Variants in CTNNA3 observed in about 807,000 individuals in gnomAD.
CTNNA3 encodes the protein catenin alpha 3.
CTNNA3 carries 76 observed loss-of-function variants against 95.7 expected under a neutral mutation model. The ratio of observed to expected loss-of-function variants is 0.79; its 90% CI spans 0.66 to 0.96. CTNNA3 has a LOEUF of 0.96. Among genes scored for constraint, CTNNA3 ranks in the 40% least tolerant of loss-of-function variants. The pLI, the probability that CTNNA3 is intolerant of heterozygous loss-of-function variation, is 0.00. For synonymous variants in CTNNA3, 431 were observed against 374.4 expected (o/e 1.15, Z -1.74); for missense variants, 1,191 against 1,089.8 (o/e 1.09, Z -1.31).
chr10:67,528,506 C>T (rs1840217004), intron 4 of CTNNA3, among the ~76,000 whole-genome samples: 1 of 152,152 alleles, frequency 6.6e-6, no homozygotes, highest in African/African-American at 2.4e-5. Flanking sequence ...TTTCAGCATA[C>T]ATCCTCTTCT....
intron 9 of CTNNA3, among the ~76,000 whole-genome samples, chr10:66,701,357 G>T (rs749590770): frequency 3.3e-5 from 5 of 152,082 alleles, no homozygotes; most frequent in Non-Finnish European, 7.4e-5. Context: ...TTGCATATAA[G>T]TTTCAGAAAC....
At chr10:67,617,103 A>T (rs954298340) in intron 2 of CTNNA3, among the ~76,000 whole-genome samples, 3 of 152,198 alleles carry the variant, frequency 2.0e-5, no homozygotes, top group African/African-American at 7.2e-5. Flanking sequence ...ACTAAATTTA[A>T]TAGTTGTTTT....
At chr10:66,023,119 A>G (rs1321085619) in intron 15 of CTNNA3, among the ~76,000 whole-genome samples, 2 of 152,242 alleles carry the variant, frequency 1.3e-5, no homozygotes, top group Non-Finnish European at 2.9e-5. Flanking sequence ...AGTACTTAGA[A>G]CAAAACATAT....
At chr10:66,837,773 T>C (rs1361576380) in intron 7 of CTNNA3, 1 of 152,080 alleles carries the variant, frequency 6.6e-6, no homozygotes, top group Non-Finnish European at 1.5e-5. Flanking sequence ...AACTTAGCTT[T>C]TTTGGTGGTC....
At chr10:66,476,949 C>A (rs1451060868) in intron 11 of CTNNA3, among the ~76,000 whole-genome samples, 2 of 152,068 alleles carry the variant, frequency 1.3e-5, no homozygotes, top group African/African-American at 4.8e-5. Flanking sequence ...CACTGACTAT[C>A]AAACATTCAA....
chr10:67,033,135 G>A (rs114193941), intron 7 of CTNNA3, among the ~76,000 whole-genome samples: 181 of 152,248 alleles, frequency 1.2e-3, no homozygotes, highest in African/African-American at 3.8e-3. Flanking sequence ...GAAGGAAACC[G>A]ACTGATTTTA....
chr10:66,597,322 G>T (rs973535901), intron 10 of CTNNA3, among the ~76,000 whole-genome samples: 3 of 150,774 alleles, frequency 2.0e-5, no homozygotes, highest in African/African-American at 7.3e-5. Context: ...AAGCCCAAAG[G>T]ATTCATAAAA....
intron 7 of CTNNA3, among the ~76,000 whole-genome samples, chr10:67,114,869 G>T (rs1400999119): frequency 6.6e-6 from 1 of 151,846 alleles, no homozygotes; most frequent in Non-Finnish European, 1.5e-5. Context: ...TCTTGGCTTG[G>T]GTCTGAAGCA....
intron 5 of CTNNA3, among the ~76,000 whole-genome samples, chr10:67,237,153 T>TATATATATAC (rs1865519730): frequency 2.7e-5 from 2 of 75,130 alleles, no homozygotes; most frequent in Non-Finnish European, 5.1e-5. Context: ...TATATATATA[T>TATATATATAC]ATATATATAT....
chr10:66,868,214 G>A (rs12770169), intron 7 of CTNNA3, among the ~76,000 whole-genome samples: 21,583 of 147,596 alleles, frequency 0.15, 1,991 homozygotes, highest in African/African-American at 0.26. Context: ...AAACATAGCC[G>A]GGCATGGGGG....
intron 7 of CTNNA3, among the ~76,000 whole-genome samples, chr10:67,127,080 T>G (rs771001001): frequency 8.5e-5 from 13 of 152,224 alleles, no homozygotes; most frequent in Non-Finnish European, 1.8e-4. Flanking sequence ...TATGTATTTC[T>G]TTATTTCCTC....
intron 5 of CTNNA3, among the ~76,000 whole-genome samples, chr10:67,317,260 A>T (rs765214330): frequency 7.3e-5 from 11 of 151,532 alleles, no homozygotes; most frequent in Non-Finnish European, 1.2e-4. Flanking sequence ...TGTGCACAAC[A>T]TGCAGGTTTG....
chr10:67,743,169 T>A lies in CTNNA3; in HGVS notation c.-2+20265A>T, dbSNP rs868743016. Among the ~76,000 whole-genome samples, 38 of 151,408 alleles carry A rather than the reference T, an allele frequency of 2.5e-4. 3 individuals are homozygous for A. The highest frequency in any genetic ancestry group is 3.5e-3 in the Middle Eastern group (1 of 286). On this transcript the variant is annotated intron_variant, in intron 1 of 17. Transcript: ENST00000684154. ...TCATTTTATGAGGCCAGCATCATCC[T>A]GATACCAAAGCCTGGCAGAGACACA... is the stretch of plus-strand genomic sequence containing the variant.
chr10:66,045,235 G>A (rs1241428870), intron 15 of CTNNA3, among the ~76,000 whole-genome samples: 3 of 151,972 alleles, frequency 2.0e-5, no homozygotes, highest in Non-Finnish European at 4.4e-5. Flanking sequence ...TGAACCTAAA[G>A]AAACAACTCA....
At chr10:67,664,932 A>G (rs778760595) in intron 1 of CTNNA3, among the ~76,000 whole-genome samples, 2 of 152,340 alleles carry the variant, frequency 1.3e-5, no homozygotes, top group East Asian at 1.9e-4. Context: ...GGAAAAATCC[A>G]TGCACAATTT....
At chr10:66,438,984 T>C (rs1180174138) in intron 11 of CTNNA3, among the ~76,000 whole-genome samples, 2 of 152,070 alleles carry the variant, frequency 1.3e-5, no homozygotes, top group Admixed American at 6.6e-5. Context: ...GGTGAGGTGA[T>C]GCCCCACCCT....
At chr10:67,400,539 T>C (rs1300446269) in intron 5 of CTNNA3, among the ~76,000 whole-genome samples, 1 of 152,214 alleles carries the variant, frequency 6.6e-6, no homozygotes, top group African/African-American at 2.4e-5. Context: ...AGGAAGAAGA[T>C]GATATTGAGA....
chr10:66,817,491 T>C (rs948590284), intron 7 of CTNNA3, among the ~76,000 whole-genome samples: 2 of 151,970 alleles, frequency 1.3e-5, no homozygotes, highest in Admixed American at 6.6e-5. Flanking sequence ...GACATTACTA[T>C]TGACTTAACA....
rs951725993 is a variant in CTNNA3, at chr10:66,431,735, T to G, written c.1532-52383A>C. 2.3e-4 allele frequency among the ~76,000 whole-genome samples: 27 copies of G among 119,294 alleles called. 1 individual carries two copies. The highest frequency in any genetic ancestry group is 8.2e-4 in the African/African-American group (26 of 31,648). The allele number at this position is 119,294 out of a possible 152,430, so 78.3% of individuals were successfully genotyped here. ...ACACAGGAAGGGGAACATCACACAC[T>G]AGGGCCTGTTGTGGGGTGGGGGGAG... On this transcript the variant is annotated intron_variant, in intron 11 of 17. Transcript: ENST00000433211.
Sources: gnomAD v4.1 joint callset for allele counts (sites outside exome capture counted in the v4.1 genomes callset) on GRCh38, gnomAD v4.1.1 for gene constraint, MANE v1.5 for transcripts, NCBI Gene and HGNC (gene_info 2026-07-23, HGNC 2026-07-21) for gene names.